BMPR1B: variants seen among roughly 807,000 people sequenced by gnomAD.
The protein encoded by BMPR1B is bone morphogenetic protein receptor type 1B.
In BMPR1B, 12 loss-of-function variants were observed where a neutral mutation model predicts 59.1. That is an observed-to-expected ratio of 0.20 (90% CI 0.13 to 0.33). BMPR1B has a LOEUF of 0.33. Among genes scored for constraint, BMPR1B ranks in the 10% least tolerant of loss-of-function variants. BMPR1B has a pLI of 1.00. For synonymous variants in BMPR1B, 237 were observed against 207.3 expected (o/e 1.14, Z -1.23); for missense variants, 550 against 610.9 (o/e 0.90, Z 1.05).
At chr4:95,002,699 C>G (rs1722536657) in intron 3 of BMPR1B, among the ~76,000 whole-genome samples, 2 of 152,168 alleles carry the variant, frequency 1.3e-5, no homozygotes, top group Non-Finnish European at 2.9e-5. Flanking sequence ...AAGTGATCTT[C>G]ATGGTTCTCC....
At chr4:94,837,191 G>A (rs972300349) in intron 1 of BMPR1B, among the ~76,000 whole-genome samples, 9 of 147,178 alleles carry the variant, frequency 6.1e-5, no homozygotes, top group African/African-American at 1.5e-4. Flanking sequence ...GTCAGGTAGC[G>A]TGATGCCTCC....
At chr4:95,020,543 C>T (rs1162414397) in intron 3 of BMPR1B, among the ~76,000 whole-genome samples, 2 of 145,514 alleles carry the variant, frequency 1.4e-5, no homozygotes, top group East Asian at 2.0e-4. Flanking sequence ...TGCGCCACTG[C>T]GCTCCAGACT....
At chr4:95,123,994 AC>A in intron 7 of BMPR1B, 88 bp downstream of exon 7, 1 of 872,694 alleles carries the variant, frequency 1.1e-6, no homozygotes, top group Non-Finnish European at 1.9e-6. Context: ...AGTGTTTCTC[AC>A]CACAGCTTTA....
intron 2 of BMPR1B, among the ~76,000 whole-genome samples, chr4:94,902,952 G>A (rs1727888753): frequency 6.6e-6 from 1 of 152,036 alleles, no homozygotes; most frequent in African/African-American, 2.4e-5. Context: ...CAGAAGCTCT[G>A]TGAGGGCTAG....
At chr4:94,897,149 G>A (rs1461633331) in intron 2 of BMPR1B, among the ~76,000 whole-genome samples, 1 of 151,932 alleles carries the variant, frequency 6.6e-6, no homozygotes, top group Non-Finnish European at 1.5e-5. Flanking sequence ...GACAAGGTCT[G>A]GCCCTGCTGC....
chr4:94,873,365 A>G (rs1313849623), intron 1 of BMPR1B, among the ~76,000 whole-genome samples: 1 of 146,680 alleles, frequency 6.8e-6, no homozygotes, highest in East Asian at 2.0e-4. Context: ...TCCCATCTCT[A>G]TTTCTGCTTT....
At chr4:94,800,079 A>G (rs1005150153) in intron 1 of BMPR1B, among the ~76,000 whole-genome samples, 7 of 152,208 alleles carry the variant, frequency 4.6e-5, no homozygotes, top group Non-Finnish European at 7.3e-5. Context: ...ATGTAGAACT[A>G]CAGGGTGATC....
chr4:94,998,266 G>A (rs1458840001), intron 3 of BMPR1B, among the ~76,000 whole-genome samples: 2 of 151,898 alleles, frequency 1.3e-5, no homozygotes, highest in Non-Finnish European at 1.5e-5. Flanking sequence ...AGTATCTATT[G>A]AAGCAATGTG....
At chr4:94,917,657 C>T (rs920529935) in intron 2 of BMPR1B, among the ~76,000 whole-genome samples, 2 of 152,170 alleles carry the variant, frequency 1.3e-5, no homozygotes, top group African/African-American at 2.4e-5. Context: ...TTTACAGGCT[C>T]GTAGGCAGAA....
chr4:94,988,464 T>A (rs1838501), intron 2 of BMPR1B, among the ~76,000 whole-genome samples: 145,477 of 152,238 alleles, frequency 0.96, 69,541 homozygotes, highest in Middle Eastern at 0.99. Flanking sequence ...GAATTTAAGA[T>A]CAATTTCTAT....
intron 2 of BMPR1B, among the ~76,000 whole-genome samples, chr4:94,974,691 T>C (rs1730944232): frequency 6.6e-6 from 1 of 152,230 alleles, no homozygotes; most frequent in African/African-American, 2.4e-5. Context: ...AGGTTAGTCT[T>C]CCCAGCTGTA....
chr4:94,788,791 G>T (rs1329745925), intron 1 of BMPR1B, among the ~76,000 whole-genome samples: 1 of 152,160 alleles, frequency 6.6e-6, no homozygotes, highest in Non-Finnish European at 1.5e-5. Context: ...GGAGAGGATT[G>T]CACCAGATCC....
Position 94,844,270 on chromosome 4 carries a change from C to T in BMPR1B, c.-182-31561C>T, listed in dbSNP as rs554577648. 7.3e-3 allele frequency among the ~76,000 whole-genome samples: 655 copies of T among 89,966 alleles called. 6 individuals carry two copies. The highest frequency in any genetic ancestry group is 0.041 in the African/African-American group (625 of 15,318). 59.0% of individuals were successfully genotyped at this position (89,966 alleles called of 152,430 possible). ...GTGTGTGTGTGTGAATCTTCTAGTT[C>T]GACTCTTCTTCCTCTGTGGCTTGCT... On this transcript the variant is annotated intron_variant, in intron 1 of 12. Transcript: ENST00000515059.
chr4:95,135,472 TACTG>T (rs1315243761), intron 10 of BMPR1B, among the ~76,000 whole-genome samples: 1 of 152,182 alleles, frequency 6.6e-6, no homozygotes, highest in Non-Finnish European at 1.5e-5. Context: ...ATTTTCACGA[TACTG>T]ATTCTTCCTA....
intron 3 of BMPR1B, among the ~76,000 whole-genome samples, chr4:95,036,151 T>G (rs938069870): frequency 1.3e-5 from 2 of 152,104 alleles, no homozygotes; most frequent in Non-Finnish European, 2.9e-5. Context: ...ATGAGATATT[T>G]TGATATAGAC....
chr4:94,778,683 A>G (rs1444783905), intron 1 of BMPR1B, among the ~76,000 whole-genome samples: 1 of 152,172 alleles, frequency 6.6e-6, no homozygotes, highest in Non-Finnish European at 1.5e-5. Context: ...GTCCATACTT[A>G]ATATTTTCAG....
At chr4:94,956,391 A>G (rs1730143133) in intron 2 of BMPR1B, among the ~76,000 whole-genome samples, 1 of 152,336 alleles carries the variant, frequency 6.6e-6, no homozygotes, top group Admixed American at 6.5e-5. Flanking sequence ...CCATAAAGAC[A>G]TAATATAATT....
chr4:94,981,144 T>C (rs1056505014), intron 2 of BMPR1B, among the ~76,000 whole-genome samples: 5 of 152,222 alleles, frequency 3.3e-5, no homozygotes, highest in Admixed American at 1.3e-4. Context: ...GTAATACTTA[T>C]ATATGCAGTT....
At chr4:94,942,302 T>G (rs60363817) in intron 2 of BMPR1B, among the ~76,000 whole-genome samples, 2,978 of 152,354 alleles carry the variant, frequency 0.02, 97 homozygotes, top group African/African-American at 0.067. Context: ...CCTCTTATGC[T>G]TTACCTCCTT....
Sources: allele counts gnomAD v4.1 joint callset (sites outside exome capture counted in the v4.1 genomes callset), GRCh38; gene constraint gnomAD v4.1.1; transcripts MANE v1.5; gene names NCBI Gene and HGNC (gene_info 2026-07-23, HGNC 2026-07-21).